The following SBSPON variants were observed in gnomAD, a reference collection of about 807,000 sequenced individuals.
SBSPON encodes somatomedin B and thrombospondin type 1 domain containing.
Under a neutral mutation model 35.8 loss-of-function variants are expected in SBSPON, and 30 were observed. That is an observed-to-expected ratio of 0.84 (90% CI 0.63 to 1.14). The LOEUF is 1.14. Ranked by LOEUF, SBSPON falls within the 50% of genes most tolerant of loss-of-function variation. The pLI is 0.00. For missense variants in SBSPON, 364 were observed against 357.7 expected (o/e 1.02, Z -0.14); for synonymous variants, 136 against 135.9 (o/e 1.00, Z 0.00).
chr8:73,081,684 C>T (rs1429454961), intron 1 of SBSPON, among the ~76,000 whole-genome samples: 1 of 152,088 alleles, frequency 6.6e-6, no homozygotes, highest in East Asian at 1.9e-4. Context: ...CACCCACCAA[C>T]AATCCCATCA....
intron 2 of SBSPON, among the ~76,000 whole-genome samples, chr8:73,080,387 C>T (rs937552437): frequency 5.9e-5 from 9 of 151,766 alleles, no homozygotes; most frequent in Non-Finnish European, 8.8e-5. Context: ...TGGTGGCAGG[C>T]GCCTGTAGTC....
chr8:73,070,027 GC>G, intron 3 of SBSPON, 46 bp from the exon 4 acceptor site: 1 of 1,275,278 alleles, frequency 7.8e-7, no homozygotes, highest in Non-Finnish European at 1.1e-6. Flanking sequence ...ATGAGCAGTG[GC>G]CTAAAGCTGT....
intron 2 of SBSPON, among the ~76,000 whole-genome samples, chr8:73,080,800 A>G (rs981355939): frequency 2.0e-5 from 3 of 152,120 alleles, no homozygotes; most frequent in Non-Finnish European, 4.4e-5. Context: ...ATTATAAAAC[A>G]CACCAAGGGA....
chr8:73,089,807 C>T (rs1810898390), intron 1 of SBSPON, among the ~76,000 whole-genome samples: 1 of 152,176 alleles, frequency 6.6e-6, no homozygotes, highest in South Asian at 2.1e-4. Flanking sequence ...AGGTGCAGTG[C>T]TCTGGGCTTG....
intron 2 of SBSPON, among the ~76,000 whole-genome samples, chr8:73,072,992 C>T (rs1406963934): frequency 6.6e-6 from 1 of 152,168 alleles, no homozygotes; most frequent in East Asian, 1.9e-4. Flanking sequence ...TCCTCTCTAC[C>T]TCATCACTAA....
chr8:73,088,909 AGCTGTTCTGTCTGTAAAAAT>A (rs1810883153), intron 1 of SBSPON, among the ~76,000 whole-genome samples: 1 of 152,282 alleles, frequency 6.6e-6, no homozygotes, highest in Non-Finnish European at 1.5e-5. Context: ...GGAAAGCCTT[AGCTGTTCTGTCTGTAAAAAT>A]GCTAGTATAG....
At chr8:73,089,554 C>A (rs1035927433) in intron 1 of SBSPON, among the ~76,000 whole-genome samples, 1 of 125,248 alleles carries the variant, frequency 8.0e-6, no homozygotes. Flanking sequence ...AATGAGACTC[C>A]GTCTCAAAAA....
At chr8:73,072,440 G>C (rs896388450) in intron 2 of SBSPON, among the ~76,000 whole-genome samples, 7 of 152,230 alleles carry the variant, frequency 4.6e-5, no homozygotes, top group African/African-American at 1.4e-4. Flanking sequence ...AGGCCATGGT[G>C]GGTGGATCAT....
chr8:73,075,196 T>C (rs1006227198), intron 2 of SBSPON, among the ~76,000 whole-genome samples: 1 of 152,172 alleles, frequency 6.6e-6, no homozygotes, highest in Non-Finnish European at 1.5e-5. Flanking sequence ...CAGGACTTTC[T>C]ATCAAGCTCA....
chr8:73,081,254 C>T (rs373978630), intron 1 of SBSPON, 41 bp from the exon 2 acceptor site: 31 of 1,479,008 alleles, frequency 2.1e-5, no homozygotes, highest in Non-Finnish European at 2.7e-5. Context: ...GAGTAAATCC[C>T]GCCAGGCTGG....
intron 2 of SBSPON, among the ~76,000 whole-genome samples, chr8:73,078,166 T>G (rs1415671823): frequency 6.6e-6 from 1 of 152,062 alleles, no homozygotes; most frequent in Non-Finnish European, 1.5e-5. Flanking sequence ...CATGCAGGGA[T>G]TATGATCCCA....
chr8:73,091,049 C>A lies in SBSPON; in HGVS notation c.214+1805G>T, dbSNP rs77641454. On this transcript the variant is annotated intron_variant, in intron 1 of 4. Transcript: ENST00000297354. ...AGACATTCTCCTTGTCTCTCCTCAT[C>A]CCTCTTACGGGCCTGAATCTCTCCA... is the stretch of plus-strand genomic sequence containing the variant. Among the ~76,000 whole-genome samples the A allele has an allele frequency of 6.0e-4, 92 of 152,320 alleles. No homozygotes were observed. The East Asian group carries it at 0.017, about 28-fold the overall frequency.
chr8:73,085,808 A>G (rs1232263781), intron 1 of SBSPON: 1 of 152,102 alleles, frequency 6.6e-6, no homozygotes, highest in East Asian at 1.9e-4. Flanking sequence ...AGTTTGGACT[A>G]TTTTTCCTTC....
At chr8:73,070,045 T>C in intron 3 of SBSPON, 64 bp from the exon 4 acceptor site, 2 of 1,106,440 alleles carry the variant, frequency 1.8e-6, no homozygotes, top group Non-Finnish European at 2.6e-6. Flanking sequence ...CTGTAGAAAG[T>C]CTTAGAAAGC....
rs1810955752 is a variant in SBSPON, at chr8:73,092,560, AT to A, written c.214+293del. ...TCCAGCTGGAGTTTCTGAGTCGGAG[AT>A]TTCGTCTCTCGGCTCCCTTCCATCC... is the stretch of plus-strand genomic sequence containing the variant. On this transcript the variant is annotated intron_variant, in intron 1 of 4. Coordinates refer to ENST00000297354, the MANE Select transcript of SBSPON (RefSeq NM_153225.4). 2.0e-5 allele frequency among the ~76,000 whole-genome samples: 3 copies of A among 151,602 alleles called. No individual in the cohort carries two copies. In the South Asian group the frequency reaches 6.2e-4, roughly 31 times the overall value.
chr8:73,089,857 C>A (rs1057326950), intron 1 of SBSPON, among the ~76,000 whole-genome samples: 5 of 152,162 alleles, frequency 3.3e-5, no homozygotes, highest in Admixed American at 6.5e-5. Flanking sequence ...CAGTCCCACA[C>A]AGTGGTTTCA....
At chr8:73,081,236 G>T in intron 1 of SBSPON, 23 bp from the exon 2 acceptor site, 1 of 1,532,086 alleles carries the variant, frequency 6.5e-7, no homozygotes, top group Non-Finnish European at 8.8e-7. Flanking sequence ...ACAATAGGAC[G>T]CTCACCTGAG....
In SBSPON at chr8:73,071,806, G is replaced by C. The variant is rs755820585; in HGVS notation, c.474C>G (p.His158Gln). Residue 158 changes from histidine to glutamine, a missense_variant, in exon 3 of 5, where the codon CAC becomes CAG. His to Gln is a conservative substitution (Grantham distance 24). Coordinates refer to ENST00000297354, the MANE Select transcript of SBSPON (RefSeq NM_153225.4). ...CAGCATCCTCTGTGTGTGTAGACCA[G>C]TGTGGAGACGTAGCTTGTCGTGTTC... The part of the protein sequence containing the change: ...KERTRQATSP[H>Q]WSTHTEDAGY... 7.5e-5 allele frequency: 120 copies of C among 1,607,622 alleles called. No individual in the cohort carries two copies. The highest frequency in any genetic ancestry group is 9.4e-5 in the Non-Finnish European group (111 of 1,175,070).
intron 3 of SBSPON, among the ~76,000 whole-genome samples, chr8:73,070,465 C>G (rs1050008551): frequency 6.6e-6 from 1 of 152,174 alleles, no homozygotes; most frequent in South Asian, 2.1e-4. Flanking sequence ...CGAAAGTACC[C>G]GGGATCTTCC....
Sources: gnomAD v4.1 joint callset for allele counts (sites outside exome capture counted in the v4.1 genomes callset) on GRCh38, gnomAD v4.1.1 for gene constraint, MANE v1.5 for transcripts, NCBI Gene and HGNC (gene_info 2026-07-23, HGNC 2026-07-21) for gene names.